CTSE: variants seen among roughly 807,000 people sequenced by gnomAD.
CTSE encodes cathepsin E.
CTSE carries 43 observed loss-of-function variants against 42.8 expected under a neutral mutation model. The ratio of observed to expected loss-of-function variants is 1.01; its 90% CI spans 0.79 to 1.30. The LOEUF is 1.30. CTSE is among the 50% of genes most tolerant of loss of function. The pLI is 0.00. For missense variants in CTSE, 532 were observed against 493.5 expected, an observed-to-expected ratio of 1.08 and a Z score of -0.74; for synonymous variants, 205 against 191.5, an observed-to-expected ratio of 1.07 and a Z score of -0.58.
intron 4 of CTSE, among the ~76,000 whole-genome samples, chr1:206,018,055 G>A (rs1049504813): frequency 3.9e-5 from 6 of 152,026 alleles, no homozygotes; most frequent in Non-Finnish European, 7.4e-5. Flanking sequence ...GAAGTCTCTC[G>A]ACAATTCACC....
Position 206,016,037 on chromosome 1 carries a change from C to T in CTSE, c.556G>A (p.Gly186Ser), listed in dbSNP as rs781932432. ...ACAGCCAAGGAGGGGTATCCCAGGC[C>T]CAGAATTCCATCAAACTCTGCATCC... ...FVDAEFDGIL[G>S]LGYPSLAVGG... The change falls in exon 5 of 9, where the codon GGC (glycine) becomes AGC (serine). Residue 186 changes from glycine (G) to serine (S), a missense_variant. Transcript: ENST00000358184. 1.9e-6 allele frequency: 3 copies of T among 1,613,886 alleles called. No homozygotes were observed. The highest frequency in any genetic ancestry group is 1.1e-5 in the South Asian group (1 of 91,078).
rs782316830 is a variant in CTSE, at chr1:206,023,021, C to T, written c.105G>A (p.Lys35=). The T allele has an allele frequency of 3.7e-6, 6 of 1,613,190 alleles. No individual in the cohort carries two copies. Among genetic ancestry groups the T allele is most frequent in the Non-Finnish European group, 5.1e-6 (6 of 1,179,526 alleles). ...PLRRHPSLKK[K]LRARSQLSEF... Reference sequence around the variant, plus strand: ...CAGAGAGCTGGCTCCGTGCCCGCAGCTTCTTCTTGAGGGACGGATGCCTCC... The same window carrying T: ...CAGAGAGCTGGCTCCGTGCCCGCAGTTTCTTCTTGAGGGACGGATGCCTCC... The change falls in exon 2 of 9, where the codon AAG becomes AAA. Residue 35 remains lysine (K), a synonymous_variant. Coordinates refer to ENST00000358184, the MANE Select transcript of CTSE (RefSeq NM_001910.4).
chr1:206,023,151 A>ATTT, intron 1 of CTSE, 94 bp from the exon 2 acceptor site: 1 of 458,000 alleles, frequency 2.2e-6, no homozygotes, highest in Non-Finnish European at 4.4e-6. Context: ...ACTAGAGAAG[A>ATTT]TGGGGTGGGA....
chr1:206,021,503 C>G (rs781847359), intron 3 of CTSE: 3 of 269,280 alleles, frequency 1.1e-5, no homozygotes, highest in African/African-American at 6.7e-5. Context: ...AAAAGAAACT[C>G]AGGGATAAAC....
chr1:206,021,806 A>G (rs781948829), intron 3 of CTSE, among the ~76,000 whole-genome samples: 9 of 152,074 alleles, frequency 5.9e-5, no homozygotes, highest in Admixed American at 1.3e-4. Flanking sequence ...CTCCCTGCTC[A>G]GAAATAACCA....
chr1:206,023,603 G>A lies in CTSE; in HGVS notation c.68+121C>T. The A allele has an allele frequency of 3.4e-6, 3 of 886,410 alleles. No homozygotes were observed. In the South Asian group the frequency reaches 4.2e-5, roughly 12 times the overall value. The allele number at this position is 886,410 out of a possible 1,614,324, so 54.9% of individuals were successfully genotyped here. A position where few individuals can be genotyped will look rare whatever the true frequency, so the allele number is the denominator to read the frequency against. Reference sequence around the variant, plus strand: ...ACTGGATGAGTCTCTTCCATGCATTGACGCAAGCCCTCAGCTTCTCCTCCT... The same window carrying A: ...ACTGGATGAGTCTCTTCCATGCATTAACGCAAGCCCTCAGCTTCTCCTCCT... On this transcript the variant is annotated intron_variant, in intron 1 of 8. Transcript: ENST00000358184.
intron 4 of CTSE, among the ~76,000 whole-genome samples, chr1:206,019,348 G>T (rs1553278065): frequency 3.3e-5 from 5 of 152,094 alleles, no homozygotes. Context: ...TGAGGGTGAG[G>T]GTGGACTGGA....
At chr1:206,019,162 G>T (rs782223547) in intron 4 of CTSE, among the ~76,000 whole-genome samples, 2 of 152,046 alleles carry the variant, frequency 1.3e-5, no homozygotes, top group Non-Finnish European at 2.9e-5. Flanking sequence ...ATAGATTATA[G>T]ATATAGCTAT....
At position 206,023,707 on chromosome 1, in the gene CTSE, C is replaced by A. The variant is rs79989197; in HGVS notation, c.68+17G>T. On this transcript the variant is annotated intron_variant, in intron 1 of 8. Transcript: ENST00000358184. ...TGGGACTACCCAGCTGAACACAGTG[C>A]GGGGACGTCTTCTCACCTGTGAAGG... 1.6e-5 allele frequency: 26 copies of A among 1,611,634 alleles called. 1 individual carries two copies. In the South Asian group the frequency reaches 2.6e-4, roughly 16 times the overall value.
Position 206,012,619 on chromosome 1 carries a change from G to A in CTSE, c.816C>T (p.Cys272=). 3 of 1,614,030 alleles carry A rather than the reference G, an allele frequency of 1.9e-6. 1 individual carries two copies. The highest frequency in any genetic ancestry group is 2.5e-6 in the Non-Finnish European group (3 of 1,179,928). Residue 272 remains cysteine, a synonymous_variant, in exon 7 of 9, where the codon TGC becomes TGT. Transcript: ENST00000358184. ...CCACAATGGCCTGGCAGCCCTCGGA[G>A]CAGAACATAACAGTGCCTCCCACCT... ...NIQVGGTVMF[C]SEGCQAIVDT...
chr1:206,013,190 C>T (rs187758758), intron 6 of CTSE, among the ~76,000 whole-genome samples: 7 of 152,146 alleles, frequency 4.6e-5, no homozygotes, highest in Admixed American at 2.0e-4. Context: ...TCTAGCACGG[C>T]GCTAGGTATG....
chr1:206,017,077 A>G (rs1661283584), intron 4 of CTSE, among the ~76,000 whole-genome samples: 1 of 152,040 alleles, frequency 6.6e-6, no homozygotes, highest in Admixed American at 6.6e-5. Flanking sequence ...TTATTCATTA[A>G]TGTTTGTGAT....
At position 206,022,357 on chromosome 1, in the gene CTSE, C is replaced by T. The variant is rs528339348; in HGVS notation, c.226-90G>A. On this transcript the variant is annotated intron_variant, in intron 2 of 8. Coordinates refer to ENST00000358184, the MANE Select transcript of CTSE (RefSeq NM_001910.4). Reference sequence around the variant, plus strand: ...GAAGCCAGGGGAAAGCTCCCAGGGGCCAGAGCCTGGGGTAATACAGACTGG... The same window carrying T: ...GAAGCCAGGGGAAAGCTCCCAGGGGTCAGAGCCTGGGGTAATACAGACTGG... The T allele has an allele frequency of 2.4e-5, 21 of 861,216 alleles. No homozygotes were observed. In the South Asian group the frequency reaches 2.4e-4, roughly 10 times the overall value. 53.3% of individuals were successfully genotyped at this position (861,216 alleles called of 1,614,324 possible).
chr1:206,013,761 G>C lies in CTSE; in HGVS notation c.785+11C>G. On this transcript the variant is annotated intron_variant, in intron 6 of 8. Coordinates refer to ENST00000358184, the MANE Select transcript of CTSE (RefSeq NM_001910.4). ...CCCTAGTACTGTCACTACTTCATGG[G>C]GAATACTCACTTATCCAGTGCAATC... 1.2e-6 allele frequency: 2 copies of C among 1,612,858 alleles called. No homozygotes were observed. Among genetic ancestry groups the C allele is most frequent in the Admixed American group, 1.7e-5 (1 of 59,958 alleles).
intron 4 of CTSE, among the ~76,000 whole-genome samples, chr1:206,017,445 C>T (rs782699626): frequency 2.0e-4 from 31 of 151,922 alleles, no homozygotes; most frequent in Non-Finnish European, 3.5e-4. Context: ...AAAAGGCTTC[C>T]GGTCCCAAGC....
chr1:206,021,019 A>G, intron 4 of CTSE, 30 bp downstream of exon 4: 1 of 1,492,326 alleles, frequency 6.7e-7, no homozygotes, highest in Non-Finnish European at 9.4e-7. Flanking sequence ...TTTCTGTCCA[A>G]GAGAGAAAAA....
chr1:206,017,193 T>A (rs1472386903), intron 4 of CTSE, among the ~76,000 whole-genome samples: 1 of 152,092 alleles, frequency 6.6e-6, no homozygotes, highest in Non-Finnish European at 1.5e-5. Context: ...ATGGTTTTGA[T>A]AGTATTATAA....
intron 2 of CTSE, among the ~76,000 whole-genome samples, chr1:206,022,608 G>A (rs1300232999): frequency 2.2e-4 from 33 of 152,036 alleles, no homozygotes; most frequent in Non-Finnish European, 3.8e-4. Context: ...ACTTGCCTAA[G>A]GGTACACAGC....
chr1:206,022,907 G>C lies in CTSE; in HGVS notation c.219C>G (p.Tyr73Ter). The C allele has an allele frequency of 6.4e-7, 1 of 1,574,608 alleles. No individual in the cohort carries two copies. Among genetic ancestry groups the C allele is most frequent in the South Asian group, 1.2e-5 (1 of 84,584 alleles). Residue 73 changes from tyrosine to a stop codon, truncating the protein, a stop_gained, in exon 2 of 9, where the codon TAC becomes TAG. Coordinates refer to ENST00000358184, the MANE Select transcript of CTSE (RefSeq NM_001910.4). LOFTEE classifies it high-confidence loss of function. ...DQSAKEPLIN[Y>*]LDMEYFGTIS... ...TGACCCCAGGAGGCCTCACATCCAAGTAGTTGATGAGGGGTTCCTTGGCAC... is the reference window on the plus strand; with the variant it reads ...TGACCCCAGGAGGCCTCACATCCAACTAGTTGATGAGGGGTTCCTTGGCAC...
Sources: gnomAD v4.1 joint callset for allele counts (sites outside exome capture counted in the v4.1 genomes callset) on GRCh38, gnomAD v4.1.1 for gene constraint, MANE v1.5 for transcripts, NCBI Gene and HGNC (gene_info 2026-07-23, HGNC 2026-07-21) for gene names.